MARCHF3: variants seen among roughly 807,000 people sequenced by gnomAD.
MARCHF3 encodes E3 ubiquitin-protein ligase MARCHF3.
MARCHF3 carries 13 observed loss-of-function variants against 24.2 expected under a neutral mutation model. The observed-to-expected ratio is 0.54, with a 90% CI of 0.35 to 0.85. The LOEUF is 0.85. MARCHF3 is among the 40% of genes least tolerant of loss of function. MARCHF3 has a pLI of 0.01. For missense variants in MARCHF3, 276 were observed against 325.0 expected (o/e 0.85, Z 1.16); for synonymous variants, 144 against 137.3 (o/e 1.05, Z -0.34).
chr5:126,902,632 T>C (rs1451397568), intron 3 of MARCHF3, among the ~76,000 whole-genome samples: 1 of 152,176 alleles, frequency 6.6e-6, no homozygotes, highest in East Asian at 1.9e-4. Context: ...GGCACGGTCA[T>C]GTGAACACTT....
At position 126,878,413 on chromosome 5, in the gene MARCHF3, CAG is replaced by C. The variant is rs757164160; in HGVS notation, c.394-21_394-20del. 6.3e-7 allele frequency: 1 copy of C among 1,599,284 alleles called. No individual in the cohort carries two copies. Among genetic ancestry groups the C allele is most frequent in the Non-Finnish European group, 8.5e-7 (1 of 1,172,500 alleles). On this transcript the variant is annotated intron_variant, in intron 3 of 4. Coordinates refer to ENST00000308660, the MANE Select transcript of MARCHF3 (RefSeq NM_178450.5). ...TCAGCCACTGCCAGGTAAAGGGAGA[CAG>C]AGAAGAGCAAGGGAGAGGGTTAAAT...
rs1554065054 is a variant in MARCHF3 at position 126,914,811 on chromosome 5, C to CAG, written c.393+117_393+118dup. 3.1e-4 allele frequency: 273 copies of CAG among 869,198 alleles called. No homozygotes were observed. The African/African-American group carries it at 4.1e-3, about 13-fold the overall frequency. The allele number at this position is 869,198 out of a possible 1,614,324, so 53.8% of individuals were successfully genotyped here. ...ACACACACACACACACACACACACA[C>CAG]AGTCACATAGCTATTACCGTGCTTC... On this transcript the variant is annotated intron_variant, in intron 3 of 4. Transcript: ENST00000308660.
At chr5:126,969,896 G>A (rs759603890) in intron 1 of MARCHF3, among the ~76,000 whole-genome samples, 13 of 152,038 alleles carry the variant, frequency 8.6e-5, no homozygotes, top group Non-Finnish European at 1.3e-4. Context: ...CAACCATCTC[G>A]CCCTGGTGCT....
chr5:126,951,248 C>CTAGTAAA (rs1750221298), intron 1 of MARCHF3, among the ~76,000 whole-genome samples: 1 of 152,190 alleles, frequency 6.6e-6, no homozygotes, highest in Non-Finnish European at 1.5e-5. Context: ...ATGCTCTTTA[C>CTAGTAAA]TAGTTCCTCC....
intron 1 of MARCHF3, among the ~76,000 whole-genome samples, chr5:126,923,336 G>A (rs779153276): frequency 2.6e-5 from 4 of 152,178 alleles, no homozygotes; most frequent in Admixed American, 2.6e-4. Context: ...GTATCAGAAC[G>A]ACATTTTCAG....
chr5:126,953,912 G>A (rs189005759), intron 1 of MARCHF3, among the ~76,000 whole-genome samples: 100 of 152,120 alleles, frequency 6.6e-4, no homozygotes, highest in Admixed American at 3.0e-3. Flanking sequence ...TTCGTTCAAT[G>A]GTCTAGGAGA....
chr5:126,889,735 G>T (rs1197102229), intron 3 of MARCHF3, among the ~76,000 whole-genome samples: 2 of 152,208 alleles, frequency 1.3e-5, no homozygotes, highest in Non-Finnish European at 2.9e-5. Flanking sequence ...GCTGACATTA[G>T]ATACATCCTA....
intron 1 of MARCHF3, among the ~76,000 whole-genome samples, chr5:126,992,536 C>T (rs535189577): frequency 6.6e-6 from 1 of 152,220 alleles, no homozygotes; most frequent in African/African-American, 2.4e-5. Context: ...GTTTTGTGCC[C>T]GTGGCTGAAT....
chr5:126,876,741 C>T (rs1235568359), intron 4 of MARCHF3, among the ~76,000 whole-genome samples: 1 of 152,016 alleles, frequency 6.6e-6, no homozygotes, highest in Non-Finnish European at 1.5e-5. Context: ...ACTCTGCCTT[C>T]TAGGTTCAAG....
At chr5:127,006,391 T>C (rs1295941795) in intron 1 of MARCHF3, among the ~76,000 whole-genome samples, 6 of 152,164 alleles carry the variant, frequency 3.9e-5, no homozygotes, top group Admixed American at 1.3e-4. Flanking sequence ...TTATTTTACA[T>C]AGCTGAGTTT....
At chr5:126,895,968 C>T (rs182417036) in intron 3 of MARCHF3, among the ~76,000 whole-genome samples, 1 of 152,120 alleles carries the variant, frequency 6.6e-6, no homozygotes, top group African/African-American at 2.4e-5. Context: ...AGCGAGAATC[C>T]GTGGGTGTAG....
At chr5:126,935,363 C>G (rs1258848335) in intron 1 of MARCHF3, among the ~76,000 whole-genome samples, 1 of 152,156 alleles carries the variant, frequency 6.6e-6, no homozygotes, top group African/African-American at 2.4e-5. Flanking sequence ...TCCTGCCTGA[C>G]TGCCTTTCAG....
At chr5:127,011,399 G>C (rs1429207227) in intron 1 of MARCHF3, among the ~76,000 whole-genome samples, 1 of 152,138 alleles carries the variant, frequency 6.6e-6, no homozygotes. Flanking sequence ...GCTCAATCTA[G>C]CATGAGGGGA....
At chr5:126,918,298 A>ACAT (rs1748978255) in intron 1 of MARCHF3, 71 bp from the exon 2 acceptor site, 2 of 889,600 alleles carry the variant, frequency 2.2e-6, no homozygotes, top group East Asian at 2.7e-5. Context: ...TGGGCCACCA[A>ACAT]CATCATCATC....
intron 1 of MARCHF3, among the ~76,000 whole-genome samples, chr5:127,015,351 G>A (rs1321276843): frequency 6.6e-6 from 1 of 152,166 alleles, no homozygotes. Flanking sequence ...ATCACCTGGG[G>A]AAAGGTCGAG....
At chr5:126,883,552 G>A (rs1487103821) in intron 3 of MARCHF3, among the ~76,000 whole-genome samples, 1 of 152,220 alleles carries the variant, frequency 6.6e-6, no homozygotes, top group Non-Finnish European at 1.5e-5. Flanking sequence ...GATTAAAGCA[G>A]CACTCTACTA....
intron 3 of MARCHF3, among the ~76,000 whole-genome samples, chr5:126,907,529 G>A (rs1468326229): frequency 1.3e-5 from 2 of 152,018 alleles, no homozygotes; most frequent in Non-Finnish European, 1.5e-5. Flanking sequence ...ATATATTTAG[G>A]ATAGTTAGCT....
At chr5:126,971,448 CAAAAAAAA>C (rs60881844) in intron 1 of MARCHF3, among the ~76,000 whole-genome samples, 2 of 89,764 alleles carry the variant, frequency 2.2e-5, no homozygotes, top group African/African-American at 4.1e-5. Flanking sequence ...GACTCTGTCT[CAAAAAAAA>C]AAAAAAAAAA....
At chr5:126,988,662 TTAAAA>T (rs1333627459) in intron 1 of MARCHF3, among the ~76,000 whole-genome samples, 19 of 152,182 alleles carry the variant, frequency 1.2e-4, no homozygotes, top group African/African-American at 4.1e-4. Flanking sequence ...ACTAGAAAAG[TTAAAA>T]TAATAACTAT....
Sources: allele counts gnomAD v4.1 joint callset (sites outside exome capture counted in the v4.1 genomes callset), GRCh38; gene constraint gnomAD v4.1.1; transcripts MANE v1.5; gene names NCBI Gene and HGNC (gene_info 2026-07-23, HGNC 2026-07-21).